PMVK: variants seen among roughly 807,000 people sequenced by gnomAD.
PMVK encodes testis tissue sperm-binding protein Li 95mP.
In PMVK, 10 loss-of-function variants were observed where a neutral mutation model predicts 19.0. The ratio of observed to expected loss-of-function variants is 0.53; its 90% CI spans 0.32 to 0.89. The LOEUF (loss-of-function observed/expected upper bound fraction) is 0.89, where lower values mean the gene tolerates loss of function less well. Among genes scored for constraint, PMVK ranks in the 40% least tolerant of loss-of-function variants. PMVK has a pLI of 0.03. For synonymous variants in PMVK, 108 were observed against 101.6 expected (o/e 1.06, Z -0.38); for missense variants, 222 against 251.1 (o/e 0.88, Z 0.78).
chr1:154,928,534 G>A (rs1036693634), intron 3 of PMVK, among the ~76,000 whole-genome samples: 1 of 152,158 alleles, frequency 6.6e-6, no homozygotes, highest in Non-Finnish European at 1.5e-5. Flanking sequence ...TATTTTGGGA[G>A]GCCAAGGTGG....
upstream of PMVK, chr1:154,937,677 GCATGTCAGAACAGAGCCTGCAACT>G (rs1654553904): frequency 1.3e-5 from 2 of 152,184 alleles, no homozygotes; most frequent in South Asian, 4.1e-4. Context: ...ATTTTTCTGA[GCATGTCAGAACAGAGCCTGCAACT>G]CATTACTGCC....
At chr1:154,925,560 T>C (rs763822024) in intron 4 of PMVK, among the ~76,000 whole-genome samples, 1 of 152,242 alleles carries the variant, frequency 6.6e-6, no homozygotes, top group African/African-American at 2.4e-5. Context: ...AAAAGGGCAC[T>C]GTGTTTTCAT....
intron 1 of PMVK, among the ~76,000 whole-genome samples, chr1:154,932,946 C>G (rs372794771): frequency 2.6e-3 from 394 of 151,862 alleles, no homozygotes; most frequent in Middle Eastern, 0.02. Flanking sequence ...CCATCTCCAC[C>G]AAAAAATTTA....
At chr1:154,927,440 C>T (rs1654197584) in intron 3 of PMVK, among the ~76,000 whole-genome samples, 1 of 114,168 alleles carries the variant, frequency 8.8e-6, no homozygotes, top group Non-Finnish European at 1.7e-5. Context: ...AAGAGTGAGA[C>T]TCTGTCTCAA....
upstream of PMVK, among the ~76,000 whole-genome samples, chr1:154,939,704 CAAAAAA>C (rs79939253): frequency 1.7e-5 from 2 of 117,608 alleles, no homozygotes; most frequent in Non-Finnish European, 3.7e-5. Context: ...GACTCCATCT[CAAAAAA>C]AAAAAAAAAA....
chr1:154,941,027 A>G (rs1373143873), upstream of PMVK, among the ~76,000 whole-genome samples: 4 of 152,246 alleles, frequency 2.6e-5, no homozygotes, highest in Non-Finnish European at 4.4e-5. Flanking sequence ...CTCCACTTCA[A>G]TGATGAGAAA....
chr1:154,930,211 G>A (rs900277328), intron 2 of PMVK, among the ~76,000 whole-genome samples: 34 of 152,194 alleles, frequency 2.2e-4, no homozygotes, highest in African/African-American at 8.2e-4. Context: ...TGTAATCCCA[G>A]CACTTTGGGA....
chr1:154,939,206 A>C (rs1654590525), upstream of PMVK, among the ~76,000 whole-genome samples: 1 of 152,116 alleles, frequency 6.6e-6, no homozygotes, highest in African/African-American at 2.4e-5. Context: ...TCCTATGGAC[A>C]CACCCTGGGC....
At chr1:154,935,015 C>T (rs1654457937) in intron 1 of PMVK, among the ~76,000 whole-genome samples, 1 of 139,948 alleles carries the variant, frequency 7.1e-6, no homozygotes, top group South Asian at 2.2e-4. Flanking sequence ...TGAGCCGCAA[C>T]CTGGGTGCGC....
upstream of PMVK, among the ~76,000 whole-genome samples, chr1:154,939,091 T>C (rs1654588550): frequency 1.3e-5 from 2 of 152,168 alleles, no homozygotes; most frequent in Admixed American, 1.3e-4. Flanking sequence ...GTCATCATCC[T>C]CGGTGACATC....
intron 4 of PMVK, 143 bp from the exon 5 acceptor site, chr1:154,925,408 C>T (rs1654118528): frequency 1.2e-6 from 1 of 806,068 alleles, no homozygotes; most frequent in South Asian, 1.6e-5. Context: ...CAGAAGGCAC[C>T]TCCCTACCCC....
chr1:154,937,452 G>A (rs1315339662), upstream of PMVK: 2 of 152,390 alleles, frequency 1.3e-5, no homozygotes, highest in African/African-American at 4.8e-5. Context: ...GGAAGCAAAC[G>A]GCGTGGGTGA....
chr1:154,931,124 T>A (rs1263592627), intron 2 of PMVK, among the ~76,000 whole-genome samples: 2 of 152,300 alleles, frequency 1.3e-5, no homozygotes, highest in Admixed American at 1.3e-4. Flanking sequence ...ATTTAGTTAT[T>A]CTTACAATTC....
upstream of PMVK, among the ~76,000 whole-genome samples, chr1:154,940,494 T>C (rs570277394): frequency 6.6e-6 from 1 of 152,324 alleles, no homozygotes; most frequent in South Asian, 2.1e-4. Context: ...AGGCTGCCAG[T>C]GGCAGAATTT....
chr1:154,936,777 G>C, upstream of PMVK: 1 of 1,191,798 alleles, frequency 8.4e-7, no homozygotes, highest in Non-Finnish European at 1.2e-6. Flanking sequence ...CCACTAAGCG[G>C]AGCGGCAACA....
upstream of PMVK, chr1:154,937,527 C>T (rs1459165779): frequency 1.3e-5 from 2 of 152,230 alleles, no homozygotes; most frequent in African/African-American, 4.8e-5. Flanking sequence ...AAGTCTGGCT[C>T]CCAGCCAGAA....
At chr1:154,939,732 G>A (rs1246105543), upstream of PMVK, among the ~76,000 whole-genome samples, 1 of 149,780 alleles carries the variant, frequency 6.7e-6, no homozygotes, top group Non-Finnish European at 1.5e-5. Flanking sequence ...AGAAAGAAAA[G>A]TTAATGATCC....
intron 3 of PMVK, 68 bp downstream of exon 3, chr1:154,928,954 CAG>C (rs1354025076): frequency 8.2e-6 from 12 of 1,471,482 alleles, no homozygotes; most frequent in Admixed American, 6.8e-5. Context: ...GCAGTGGAGA[CAG>C]AGAGAGATGG....
chr1:154,942,007 A>G, the PMVK span, among the ~76,000 whole-genome samples: 12 of 152,294 alleles, frequency 7.9e-5, no homozygotes, highest in East Asian at 1.9e-3. Context: ...CTACCAGGAA[A>G]TGAGTTTTTG....
Sources: allele counts gnomAD v4.1 joint callset (sites outside exome capture counted in the v4.1 genomes callset), GRCh38; gene constraint gnomAD v4.1.1; transcripts MANE v1.5; gene names NCBI Gene and HGNC (gene_info 2026-07-23, HGNC 2026-07-21).